FBXL2: variants seen among roughly 807,000 people sequenced by gnomAD.
FBXL2 encodes F-box and leucine rich repeat protein 2.
Under a neutral mutation model 69.2 loss-of-function variants are expected in FBXL2, and 38 were observed. That is an observed-to-expected ratio of 0.55 (90% CI 0.42 to 0.72). FBXL2 has a LOEUF of 0.72. FBXL2 is among the 30% of genes least tolerant of loss of function. The probability of loss-of-function intolerance (pLI) is 0.00; values close to 1 mark genes in which losing one functional copy is unlikely to be tolerated. For synonymous variants in FBXL2, 192 were observed against 201.3 expected, an observed-to-expected ratio of 0.95 and a Z score of 0.39; for missense variants, 354 against 520.3, an observed-to-expected ratio of 0.68 and a Z score of 3.11.
chr3:33,388,178 A>G (rs1339530291), downstream of FBXL2: 1 of 152,150 alleles, frequency 6.6e-6, no homozygotes, highest in Non-Finnish European at 1.5e-5. Flanking sequence ...ACATATCCTC[A>G]GTTGCATCAG....
At chr3:33,286,311 C>G (rs901646745) in intron 1 of FBXL2, among the ~76,000 whole-genome samples, 2 of 152,148 alleles carry the variant, frequency 1.3e-5, no homozygotes, top group African/African-American at 2.4e-5. Flanking sequence ...CACTCCAGAC[C>G]CTGTTTGCCT....
chr3:33,395,384 A>G (rs1484792446), intron 12 of FBXL2, among the ~76,000 whole-genome samples: 2 of 152,118 alleles, frequency 1.3e-5, no homozygotes, highest in Non-Finnish European at 2.9e-5. Context: ...CAGAGTATGG[A>G]AAGAAGGAAA....
intron 1 of FBXL2, among the ~76,000 whole-genome samples, chr3:33,292,115 C>T (rs552464052): frequency 1.7e-4 from 26 of 152,306 alleles, no homozygotes; most frequent in Admixed American, 3.9e-4. Flanking sequence ...CACAGTGGCT[C>T]ATGCTTGTAA....
At chr3:33,396,408 A>G in intron 12 of FBXL2, 2 of 662,304 alleles carry the variant, frequency 3.0e-6, no homozygotes, top group Non-Finnish European at 4.9e-6. Flanking sequence ...TTCGTTATAC[A>G]AAGTAATTTA....
In FBXL2 at chr3:33,402,781, C is replaced by G. The variant is rs765082720; in HGVS notation, n.1215-453C>G. 9 of 1,503,760 alleles carry G rather than the reference C, an allele frequency of 6.0e-6. No individual in the cohort carries two copies. In the Admixed American group the frequency reaches 1.9e-4, roughly 32 times the overall value. 93.2% of individuals were successfully genotyped at this position (1,503,760 alleles called of 1,614,324 possible). On this transcript the variant is annotated intron_variant and non_coding_transcript_variant, in intron 12 of 12. Coordinates refer to the FBXL2 transcript ENST00000463736. ...TGAGCATTAGTTAGCTGCAGGCACA[C>G]GATCACACAAACTAGATACCTGTCT... is the stretch of plus-strand genomic sequence containing the variant.
intron 2 of FBXL2, among the ~76,000 whole-genome samples, chr3:33,304,957 G>A (rs528440919): frequency 3.3e-5 from 5 of 152,034 alleles, no homozygotes; most frequent in African/African-American, 7.2e-5. Flanking sequence ...AGTGAAACAC[G>A]TATTTTTGTT....
intron 2 of FBXL2, among the ~76,000 whole-genome samples, chr3:33,316,769 T>G (rs2037736084): frequency 6.6e-6 from 1 of 152,216 alleles, no homozygotes; most frequent in Non-Finnish European, 1.5e-5. Flanking sequence ...GTCAAATGCA[T>G]TACTTATTGA....
chr3:33,397,154 AT>A (rs772833111), intron 12 of FBXL2: 1 of 1,548,670 alleles, frequency 6.5e-7, no homozygotes. Flanking sequence ...GAGCAAAAAT[AT>A]TTTTCTCAAA....
intron 6 of FBXL2, 40 bp from the exon 7 acceptor site, chr3:33,373,220 C>T (rs1165652976): frequency 1.2e-6 from 2 of 1,610,720 alleles, no homozygotes; most frequent in East Asian, 2.2e-5. Context: ...GGGAGAGAAA[C>T]GTGGTTGAAA....
At chr3:33,316,577 G>C (rs1020655266) in intron 2 of FBXL2, among the ~76,000 whole-genome samples, 1 of 152,088 alleles carries the variant, frequency 6.6e-6, no homozygotes, top group Non-Finnish European at 1.5e-5. Context: ...TCTCACATTA[G>C]CTACCTGTGC....
At chr3:33,384,434 A>T (rs1325234337) in intron 14 of FBXL2, among the ~76,000 whole-genome samples, 2 of 152,058 alleles carry the variant, frequency 1.3e-5, no homozygotes, top group Non-Finnish European at 2.9e-5. Context: ...GGTGGTGGGC[A>T]CCTGTAATCC....
At chr3:33,323,798 A>G (rs1013950787) in intron 2 of FBXL2, among the ~76,000 whole-genome samples, 1 of 151,888 alleles carries the variant, frequency 6.6e-6, no homozygotes, top group African/African-American at 2.4e-5. Context: ...TAGTAGAATG[A>G]TATAATCCTT....
At chr3:33,371,414 G>A (rs2042300136) in intron 5 of FBXL2, among the ~76,000 whole-genome samples, 1 of 149,736 alleles carries the variant, frequency 6.7e-6, no homozygotes, top group African/African-American at 2.5e-5. Context: ...CAAGTGATCT[G>A]CTTGCCTCAG....
At chr3:33,335,116 T>G (rs74558204) in intron 2 of FBXL2, among the ~76,000 whole-genome samples, 15,663 of 144,186 alleles carry the variant, frequency 0.11, 841 homozygotes, top group Non-Finnish European at 0.11. Context: ...ATAATAATAA[T>G]AATAAGAAGA....
rs2043435234 is a variant in FBXL2, at chr3:33,386,418, T to TAA, written c.*811_*812dup. On this transcript the variant is annotated 3_prime_UTR_variant, in exon 15 of 15. Transcript: ENST00000484457. ...GGGGGGAACCTTAAAGAGAAAGAAC[T>TAA]AAGGCTTAAGTTATCTGTAGTATAA... 6.6e-6 allele frequency: 1 copy of TAA among 152,100 alleles called. No individual in the cohort carries two copies. Among genetic ancestry groups the TAA allele is most frequent in the South Asian group, 2.1e-4 (1 of 4,820 alleles). 9.4% of individuals were successfully genotyped at this position (152,100 alleles called of 1,614,324 possible).
downstream of FBXL2, among the ~76,000 whole-genome samples, chr3:33,405,865 A>G (rs1481559536): frequency 1.3e-5 from 2 of 152,202 alleles, no homozygotes; most frequent in African/African-American, 2.4e-5. Context: ...AAGTCTCACC[A>G]ATGGCTACAG....
chr3:33,394,017 CTT>C (rs2043868980), intron 12 of FBXL2, among the ~76,000 whole-genome samples: 1 of 150,330 alleles, frequency 6.7e-6, no homozygotes, highest in African/African-American at 2.4e-5. Flanking sequence ...AGTCATAGTT[CTT>C]TTTGTTTATT....
intron 1 of FBXL2, among the ~76,000 whole-genome samples, chr3:33,289,019 A>T (rs2034948393): frequency 1.3e-5 from 2 of 152,208 alleles, no homozygotes; most frequent in Admixed American, 6.5e-5. Context: ...CCATTTGCTG[A>T]GATGAAGACC....
intron 1 of FBXL2, among the ~76,000 whole-genome samples, chr3:33,287,373 C>T (rs2034750760): frequency 1.3e-5 from 2 of 152,222 alleles, no homozygotes; most frequent in African/African-American, 2.4e-5. Flanking sequence ...CAATAGCTTT[C>T]TTTTATAGAA....
Sources: allele counts gnomAD v4.1 joint callset (sites outside exome capture counted in the v4.1 genomes callset), GRCh38; gene constraint gnomAD v4.1.1; transcripts MANE v1.5; gene names NCBI Gene and HGNC (gene_info 2026-07-23, HGNC 2026-07-21).